The following SH2D4B variants were observed in gnomAD, a reference collection of about 807,000 sequenced individuals.
The protein encoded by SH2D4B is SH2 domain containing 4B.
Under a neutral mutation model 61.5 loss-of-function variants are expected in SH2D4B, and 45 were observed. That is an observed-to-expected ratio of 0.73 (90% CI 0.58 to 0.94). The LOEUF (loss-of-function observed/expected upper bound fraction) is 0.94. Among genes scored for constraint, SH2D4B ranks in the 40% least tolerant of loss-of-function variants. The pLI, the probability that SH2D4B is intolerant of heterozygous loss-of-function variation, is 0.00. For missense variants in SH2D4B, 572 were observed against 574.2 expected, an observed-to-expected ratio of 1.00 and a Z score of 0.04; for synonymous variants, 224 against 220.4, an observed-to-expected ratio of 1.02 and a Z score of -0.14.
At chr10:80,605,347 GT>G (rs1257087075) in intron 5 of SH2D4B, among the ~76,000 whole-genome samples, 1 of 151,446 alleles carries the variant, frequency 6.6e-6, no homozygotes, top group Non-Finnish European at 1.5e-5. Flanking sequence ...TTTTTATTGT[GT>G]TGTCTTTTCC....
chr10:80,558,720 G>A (rs749468923), intron 1 of SH2D4B, among the ~76,000 whole-genome samples: 5 of 152,116 alleles, frequency 3.3e-5, no homozygotes, highest in African/African-American at 4.8e-5. Flanking sequence ...GTTAAGGCTG[G>A]TCTTGAACTC....
Position 80,538,528 on chromosome 10 carries a change from G to A in SH2D4B, c.184+13G>A. On this transcript the variant is annotated intron_variant, in intron 1 of 7. Coordinates refer to ENST00000646907, the MANE Select transcript of SH2D4B (RefSeq NM_001388272.1). This position sits in a 1 kb window ranked among gnomAD's most constrained non-coding sequence, Gnocchi z 4.8. ...AAGACCAAGCGAGGTACGTGGCTGG[G>A]AGTCACAGAGAGGTAGGCCACCAGT... The A allele has an allele frequency of 7.3e-7, 1 of 1,365,502 alleles. No homozygotes were observed. The highest frequency in any genetic ancestry group is 1.5e-5 in the African/African-American group (1 of 67,792). 84.6% of individuals were successfully genotyped at this position (1,365,502 alleles called of 1,614,324 possible).
chr10:80,538,513 G>A lies in SH2D4B; in HGVS notation c.182G>A (p.Arg61Gln). 8 of 1,389,128 alleles carry A rather than the reference G, an allele frequency of 5.8e-6. No homozygotes were observed. Among genetic ancestry groups the A allele is most frequent in the African/African-American group, 1.5e-5 (1 of 68,390 alleles). 86.1% of individuals were successfully genotyped at this position (1,389,128 alleles called of 1,614,324 possible). A position where few individuals can be genotyped will look rare whatever the true frequency, so the allele number is the denominator to read the frequency against. Residue 61 changes from arginine (R) to glutamine (Q), a missense_variant and splice_region_variant, in exon 1 of 8, where the codon CGA becomes CAA. Arg to Gln is a conservative substitution (Grantham distance 43). Transcript: ENST00000646907. This position sits in a 1 kb window ranked among gnomAD's most constrained non-coding sequence, Gnocchi z 4.8. Reference sequence around the variant, plus strand: ...GGTCTCAGGCCTCCAAAGACCAAGCGAGGTACGTGGCTGGGAGTCACAGAG... The same window carrying A: ...GGTCTCAGGCCTCCAAAGACCAAGCAAGGTACGTGGCTGGGAGTCACAGAG... ...DEGLRPPKTK[R>Q]AASDKHIQWL...
At chr10:80,612,981 C>A (rs978749683) in intron 6 of SH2D4B, among the ~76,000 whole-genome samples, 1 of 152,174 alleles carries the variant, frequency 6.6e-6, no homozygotes, top group Non-Finnish European at 1.5e-5. Context: ...AGGACACTTA[C>A]GAAGATTGAG....
intron 1 of SH2D4B, among the ~76,000 whole-genome samples, chr10:80,568,315 G>C (rs1841996749): frequency 6.6e-6 from 1 of 152,202 alleles, no homozygotes; most frequent in Non-Finnish European, 1.5e-5. Flanking sequence ...GCTTGACCTT[G>C]AGTGAAGGAG....
At chr10:80,543,396 T>C (rs1352284686) in intron 1 of SH2D4B, among the ~76,000 whole-genome samples, 2 of 152,118 alleles carry the variant, frequency 1.3e-5, no homozygotes, top group Admixed American at 1.3e-4. Context: ...GCTTAGCACC[T>C]GGGCCAGCAG....
chr10:80,558,273 G>A (rs1841862811), intron 1 of SH2D4B, among the ~76,000 whole-genome samples: 1 of 151,650 alleles, frequency 6.6e-6, no homozygotes, highest in African/African-American at 2.4e-5. Flanking sequence ...TATCTATCTG[G>A]GTGAATGTTC....
rs530704798 is a variant in SH2D4B, at chr10:80,539,387, C to A, written c.184+872C>A. On this transcript the variant is annotated intron_variant, in intron 1 of 7. Transcript: ENST00000646907. This position sits in a 1 kb window ranked among gnomAD's most constrained non-coding sequence, Gnocchi z 4.9. The stretch of plus-strand genomic sequence containing the variant: ...TCCAGAACAAAGTCCTGTTTCAGGG[C>A]TGAGCACACAGCTCCCTTGGTGATC... Among the ~76,000 whole-genome samples, 16 of 152,374 alleles carry A rather than the reference C, an allele frequency of 1.1e-4. No homozygotes were observed. The highest frequency in any genetic ancestry group is 2.1e-4 in the Non-Finnish European group (14 of 68,030).
At chr10:80,636,077 C>T (rs2203483) in intron 7 of SH2D4B, among the ~76,000 whole-genome samples, 26,572 of 151,982 alleles carry the variant, frequency 0.17, 2,813 homozygotes, top group Admixed American at 0.28. Flanking sequence ...TGATAGTTTG[C>T]GAGAATGATG....
chr10:80,633,014 G>A (rs995277734), intron 6 of SH2D4B, among the ~76,000 whole-genome samples: 12 of 152,040 alleles, frequency 7.9e-5, no homozygotes, highest in African/African-American at 2.4e-4. Flanking sequence ...TTTAAAGGGT[G>A]CAGCATTTGG....
intron 6 of SH2D4B, among the ~76,000 whole-genome samples, chr10:80,616,430 G>A (rs1008704482): frequency 6.6e-6 from 1 of 152,088 alleles, no homozygotes; most frequent in South Asian, 2.1e-4. Context: ...TTTTTTTCAG[G>A]TGTGCACTGG....
chr10:80,587,319 T>A (rs1842271287), intron 3 of SH2D4B, among the ~76,000 whole-genome samples: 1 of 151,754 alleles, frequency 6.6e-6, no homozygotes, highest in Non-Finnish European at 1.5e-5. Flanking sequence ...TTGCTCTTGT[T>A]GCCCAGGGTG....
chr10:80,620,188 G>A (rs920383267), intron 6 of SH2D4B, among the ~76,000 whole-genome samples: 1 of 152,210 alleles, frequency 6.6e-6, no homozygotes, highest in Non-Finnish European at 1.5e-5. Flanking sequence ...AATGTTGGGA[G>A]AGGGACCTGG....
At chr10:80,629,650 CAT>C (rs1225646556) in intron 6 of SH2D4B, among the ~76,000 whole-genome samples, 9 of 152,198 alleles carry the variant, frequency 5.9e-5, no homozygotes, top group Admixed American at 1.3e-4. Flanking sequence ...AGCACTAACA[CAT>C]GTGTAGAATA....
chr10:80,593,915 C>T (rs1332208442), intron 4 of SH2D4B, among the ~76,000 whole-genome samples: 1 of 152,106 alleles, frequency 6.6e-6, no homozygotes, highest in Non-Finnish European at 1.5e-5. Flanking sequence ...GCTCAAGTGA[C>T]CCTCCTACCT....
intron 4 of SH2D4B, among the ~76,000 whole-genome samples, chr10:80,589,000 C>CTTTTTTTTTT: frequency 6.8e-6 from 1 of 147,162 alleles, no homozygotes; most frequent in African/African-American, 2.5e-5. Flanking sequence ...TTTTCTTTTT[C>CTTTTTTTTTT]TTTTTTTTTT....
At chr10:80,633,837 A>G (rs987521111) in intron 6 of SH2D4B, among the ~76,000 whole-genome samples, 15 of 152,310 alleles carry the variant, frequency 9.8e-5, no homozygotes, top group Admixed American at 9.2e-4. Flanking sequence ...TTAGGTGCTT[A>G]TTTATGGTAC....
chr10:80,637,760 A>C (rs1271946625), intron 7 of SH2D4B, among the ~76,000 whole-genome samples: 2 of 152,196 alleles, frequency 1.3e-5, no homozygotes, highest in African/African-American at 4.8e-5. Context: ...CTCTTTTCCT[A>C]ATTGAATACC....
chr10:80,563,189 C>A (rs1048338893), intron 1 of SH2D4B, among the ~76,000 whole-genome samples: 3 of 152,192 alleles, frequency 2.0e-5, no homozygotes, highest in Non-Finnish European at 2.9e-5. Context: ...GCGTGAGCCA[C>A]CGCGCCCGGC....
Sources: gnomAD v4.1 joint callset for allele counts (sites outside exome capture counted in the v4.1 genomes callset) on GRCh38, gnomAD v4.1.1 for gene constraint, Gnocchi (gnomAD v3.1) non-coding constraint, MANE v1.5 for transcripts, NCBI Gene and HGNC (gene_info 2026-07-23, HGNC 2026-07-21) for gene names.